KHDRBS2: variants seen among roughly 807,000 people sequenced by gnomAD.
KHDRBS2 encodes the protein KH RNA binding domain containing, signal transduction associated 2, also known as KH domain-containing, RNA-binding, signal transduction-associated protein 2.
In KHDRBS2, 26 loss-of-function variants were observed where a neutral mutation model predicts 44.3. That is an observed-to-expected ratio of 0.59 (90% CI 0.43 to 0.81). The LOEUF (loss-of-function observed/expected upper bound fraction) is 0.81, where lower values mean the gene tolerates loss of function less well. Among genes scored for constraint, KHDRBS2 ranks in the 40% least tolerant of loss-of-function variants. KHDRBS2 has a pLI of 0.00. For missense variants in KHDRBS2, 476 were observed against 433.1 expected, an observed-to-expected ratio of 1.10 and a Z score of -0.88; for synonymous variants, 194 against 151.1, an observed-to-expected ratio of 1.28 and a Z score of -2.08.
chr6:61,834,834 C>T (rs552776449), intron 6 of KHDRBS2, among the ~76,000 whole-genome samples: 51 of 152,056 alleles, frequency 3.4e-4, no homozygotes, highest in South Asian at 3.1e-3. Context: ...TTACAATTTT[C>T]GGTCAAGCTT....
intron 6 of KHDRBS2, among the ~76,000 whole-genome samples, chr6:61,752,687 A>AAAAAAAAAAAC (rs1777887502): frequency 1.4e-5 from 2 of 143,526 alleles, no homozygotes; most frequent in Non-Finnish European, 3.0e-5. Context: ...AAAAAAAAAA[A>AAAAAAAAAAAC]AAAAAAGAAC....
At chr6:61,790,777 A>G (rs1209192) in intron 6 of KHDRBS2, among the ~76,000 whole-genome samples, 21,734 of 151,526 alleles carry the variant, frequency 0.14, 2,209 homozygotes, top group South Asian at 0.27. Context: ...TGTAGCTTCA[A>G]TGAAATGAAC....
the KHDRBS2 span, among the ~76,000 whole-genome samples, chr6:61,651,563 G>T: frequency 6.6e-6 from 1 of 152,034 alleles, no homozygotes; most frequent in Admixed American, 6.6e-5. Flanking sequence ...GATTAGGTCT[G>T]CTTGGCCTGA....
intron 1 of KHDRBS2, among the ~76,000 whole-genome samples, chr6:62,226,780 G>C (rs1831911243): frequency 6.6e-6 from 1 of 152,074 alleles, no homozygotes; most frequent in Admixed American, 6.6e-5. Context: ...TTGAATAGGA[G>C]ATCCCTTCCC....
At chr6:61,902,168 C>G (rs1583421310) in intron 4 of KHDRBS2, among the ~76,000 whole-genome samples, 1 of 152,014 alleles carries the variant, frequency 6.6e-6, no homozygotes, top group Non-Finnish European at 1.5e-5. Flanking sequence ...TGGCTGGTCT[C>G]GAACTCCTGG....
the KHDRBS2 span, among the ~76,000 whole-genome samples, chr6:61,670,333 G>A: frequency 1.2e-4 from 18 of 151,408 alleles, no homozygotes; most frequent in Middle Eastern, 7.0e-3. Flanking sequence ...GTTATCAGGT[G>A]ATAAAAGGAT....
chr6:61,670,233 A>G, the KHDRBS2 span, among the ~76,000 whole-genome samples: 18 of 151,372 alleles, frequency 1.2e-4, no homozygotes, highest in Non-Finnish European at 1.8e-4. Context: ...AATTCTGTCA[A>G]ATCCTAAGAC....
chr6:62,211,479 T>A (rs1829032314), intron 1 of KHDRBS2, among the ~76,000 whole-genome samples: 1 of 152,200 alleles, frequency 6.6e-6, no homozygotes, highest in Non-Finnish European at 1.5e-5. Flanking sequence ...ATAAAAGTTA[T>A]TTGTATATCT....
chr6:62,280,327 T>C (rs181423596), intron 1 of KHDRBS2, among the ~76,000 whole-genome samples: 5 of 152,156 alleles, frequency 3.3e-5, no homozygotes, highest in Admixed American at 3.3e-4. Context: ...TTGTGTGTGT[T>C]GGTGTGGGAA....
chr6:61,662,186 T>G, the KHDRBS2 span, among the ~76,000 whole-genome samples: 3,864 of 151,984 alleles, frequency 0.025, 72 homozygotes, highest in Middle Eastern at 0.079. Context: ...GGGAAAACTG[T>G]CTAGCCATAT....
intron 4 of KHDRBS2, among the ~76,000 whole-genome samples, chr6:61,958,737 T>C (rs913549007): frequency 1.3e-5 from 2 of 152,206 alleles, no homozygotes; most frequent in Non-Finnish European, 2.9e-5. Context: ...TTTCACCTAA[T>C]GTCTTATTTT....
intron 1 of KHDRBS2, among the ~76,000 whole-genome samples, chr6:62,270,684 GT>G (rs1839948826): frequency 6.6e-6 from 1 of 151,962 alleles, no homozygotes; most frequent in Non-Finnish European, 1.5e-5. Flanking sequence ...GCATTTCACT[GT>G]TGATATATTT....
chr6:61,851,329 C>T (rs947504423), intron 6 of KHDRBS2, among the ~76,000 whole-genome samples: 8 of 151,636 alleles, frequency 5.3e-5, no homozygotes, highest in Non-Finnish European at 1.2e-4. Flanking sequence ...CTCCTACTTA[C>T]TTTAATACAA....
the KHDRBS2 span, among the ~76,000 whole-genome samples, chr6:61,582,379 A>T: frequency 1.3e-5 from 2 of 151,082 alleles, no homozygotes; most frequent in African/African-American, 4.9e-5. Context: ...TGTTAAAAAT[A>T]AAAGTATATA....
chr6:61,597,767 T>C, the KHDRBS2 span, among the ~76,000 whole-genome samples: 22 of 25,432 alleles, frequency 8.7e-4, no homozygotes, highest in Non-Finnish European at 1.5e-3. Context: ...TACATATATA[T>C]ATATATACAC....
intron 3 of KHDRBS2, among the ~76,000 whole-genome samples, chr6:61,993,007 A>T (rs1485106503): frequency 2.6e-5 from 4 of 152,160 alleles, no homozygotes; most frequent in African/African-American, 4.8e-5. Context: ...CTTCAAGCGC[A>T]GTTGCTTACC....
chr6:61,733,202 T>TC (rs1455671233), intron 6 of KHDRBS2, among the ~76,000 whole-genome samples: 1 of 152,022 alleles, frequency 6.6e-6, no homozygotes, highest in Non-Finnish European at 1.5e-5. Context: ...CCTTAAACTG[T>TC]AGTCAACTTT....
intron 1 of KHDRBS2, among the ~76,000 whole-genome samples, chr6:62,243,468 G>GT (rs1409925335): frequency 1.1e-4 from 16 of 151,982 alleles, no homozygotes; most frequent in African/African-American, 3.9e-4. Context: ...AGTCAGGCTT[G>GT]TAAGCCAATT....
chr6:62,250,981 A>T (rs182392926), intron 1 of KHDRBS2, among the ~76,000 whole-genome samples: 1 of 152,034 alleles, frequency 6.6e-6, no homozygotes, highest in Admixed American at 6.6e-5. Flanking sequence ...AAAGAATATT[A>T]CTGTGTTAAT....
Sources: allele counts gnomAD v4.1 joint callset (sites outside exome capture counted in the v4.1 genomes callset), GRCh38; gene constraint gnomAD v4.1.1; transcripts MANE v1.5; gene names NCBI Gene and HGNC (gene_info 2026-07-23, HGNC 2026-07-21).